XKR6: variants seen among roughly 807,000 people sequenced by gnomAD.
The protein encoded by XKR6 is XK-related protein 6.
In XKR6, 22 loss-of-function variants were observed where a neutral mutation model predicts 56.7. That is an observed-to-expected ratio of 0.39 (90% CI 0.28 to 0.55). The LOEUF is 0.55. Ranked by LOEUF, XKR6 falls within the 20% of genes least tolerant of loss-of-function variation. XKR6 has a pLI of 0.66. For missense variants in XKR6, 852 were observed against 889.0 expected, an observed-to-expected ratio of 0.96 and a Z score of 0.53; for synonymous variants, 524 against 387.8, an observed-to-expected ratio of 1.35 and a Z score of -4.13.
chr8:11,173,409 A>G (rs1802486284), intron 1 of XKR6, among the ~76,000 whole-genome samples: 2 of 150,634 alleles, frequency 1.3e-5, no homozygotes, highest in South Asian at 2.1e-4. Context: ...ATATATATAT[A>G]CATATACATA....
rs796859507 is a variant in XKR6, at chr8:10,963,273, A to C, written c.765-38443T>G. Among the ~76,000 whole-genome samples, 13 of 152,346 alleles carry C rather than the reference A, an allele frequency of 8.5e-5. 1 individual carries two copies. Among genetic ancestry groups the C allele is most frequent in the African/African-American group, 2.6e-4 (11 of 41,582 alleles). On this transcript the variant is annotated intron_variant, in intron 1 of 2. Coordinates refer to ENST00000416569, the MANE Select transcript of XKR6 (RefSeq NM_173683.4). Reference sequence around the variant, plus strand: ...TCTGCCTCAGGGCCTTGGCACTGGCAATCCCCTCTGTTCAAACGTCAGTGT... The same window carrying C: ...TCTGCCTCAGGGCCTTGGCACTGGCCATCCCCTCTGTTCAAACGTCAGTGT...
intron 1 of XKR6, among the ~76,000 whole-genome samples, chr8:11,118,794 G>C (rs150951013): frequency 0.021 from 3,212 of 152,142 alleles, 102 homozygotes; most frequent in African/African-American, 0.073. Context: ...AGGGTTTTTT[G>C]TGTCTCTATT....
chr8:11,001,745 A>G (rs1209823308), intron 1 of XKR6, among the ~76,000 whole-genome samples: 1 of 152,192 alleles, frequency 6.6e-6, no homozygotes, highest in African/African-American at 2.4e-5. Flanking sequence ...GAAGTCCACA[A>G]GGACTTCCTG....
chr8:11,161,278 C>G (rs1365647263), intron 1 of XKR6, among the ~76,000 whole-genome samples: 1 of 152,140 alleles, frequency 6.6e-6, no homozygotes, highest in African/African-American at 2.4e-5. Flanking sequence ...ATCTTGCCAC[C>G]ACCAGTACCT....
intron 1 of XKR6, among the ~76,000 whole-genome samples, chr8:11,186,387 G>A (rs1389764959): frequency 1.3e-5 from 2 of 152,116 alleles, no homozygotes; most frequent in African/African-American, 2.4e-5. Context: ...TCAAACCAGG[G>A]CTTTGAGAGA....
intron 1 of XKR6, among the ~76,000 whole-genome samples, chr8:11,183,763 G>T (rs979427945): frequency 1.3e-5 from 2 of 152,090 alleles, no homozygotes; most frequent in South Asian, 4.1e-4. Flanking sequence ...TTACTATAAG[G>T]CCCCTAAATA....
At chr8:11,119,294 G>A (rs1481169557) in intron 1 of XKR6, among the ~76,000 whole-genome samples, 1 of 152,166 alleles carries the variant, frequency 6.6e-6, no homozygotes, top group Non-Finnish European at 1.5e-5. Flanking sequence ...TGTTGATTTG[G>A]GGTGGAGAGT....
At chr8:11,163,454 A>G (rs891165797) in intron 1 of XKR6, among the ~76,000 whole-genome samples, 3 of 152,186 alleles carry the variant, frequency 2.0e-5, no homozygotes, top group Non-Finnish European at 2.9e-5. Flanking sequence ...AGCTCACAAA[A>G]TCCACCAAAT....
intron 1 of XKR6, among the ~76,000 whole-genome samples, chr8:11,023,014 A>G (rs1798780755): frequency 6.6e-6 from 1 of 152,114 alleles, no homozygotes; most frequent in African/African-American, 2.4e-5. Context: ...CAGCGCTCCA[A>G]GGTATCTGTC....
At chr8:11,172,019 C>G (rs1055311652) in intron 1 of XKR6, among the ~76,000 whole-genome samples, 2 of 150,826 alleles carry the variant, frequency 1.3e-5, no homozygotes, top group Non-Finnish European at 2.9e-5. Context: ...CGCCATTGCA[C>G]TCCAGATTGG....
chr8:11,115,908 C>T (rs545208522), intron 1 of XKR6, among the ~76,000 whole-genome samples: 153 of 152,292 alleles, frequency 1.0e-3, no homozygotes, highest in African/African-American at 3.6e-3. Context: ...AATATCTTGA[C>T]AAATACTACC....
At chr8:10,992,582 G>C (rs1056792711) in intron 1 of XKR6, among the ~76,000 whole-genome samples, 2 of 152,182 alleles carry the variant, frequency 1.3e-5, no homozygotes, top group African/African-American at 4.8e-5. Flanking sequence ...TTGTTAAAGG[G>C]AACTCTAATC....
intron 1 of XKR6, among the ~76,000 whole-genome samples, chr8:11,149,851 T>C (rs1801179372): frequency 6.6e-6 from 1 of 152,030 alleles, no homozygotes; most frequent in Admixed American, 6.6e-5. Flanking sequence ...AACAGACAAA[T>C]GGAAAAAGAA....
At chr8:11,007,024 G>T (rs931290811) in intron 1 of XKR6, among the ~76,000 whole-genome samples, 1 of 152,188 alleles carries the variant, frequency 6.6e-6, no homozygotes, top group Non-Finnish European at 1.5e-5. Flanking sequence ...GACCCCAAGA[G>T]GAACCCTACC....
chr8:11,001,835 C>A (rs533581699), intron 1 of XKR6, among the ~76,000 whole-genome samples: 1 of 152,170 alleles, frequency 6.6e-6, no homozygotes, highest in African/African-American at 2.4e-5. Context: ...CAGGGGCAAG[C>A]GGCACTGTGC....
chr8:10,929,547 C>T (rs6992103), intron 1 of XKR6, among the ~76,000 whole-genome samples: 24,460 of 152,270 alleles, frequency 0.16, 2,826 homozygotes, highest in African/African-American at 0.33. Context: ...ACTTGCCTGA[C>T]AGTGGGGAAG....
At position 11,114,823 on chromosome 8, in the gene XKR6, C is replaced by A. The variant is rs145798017; in HGVS notation, c.764+85753G>T. 4.1e-3 allele frequency among the ~76,000 whole-genome samples: 617 copies of A among 149,654 alleles called. 4 individuals carry two copies. The highest frequency in any genetic ancestry group is 0.014 in the African/African-American group (580 of 40,862). On this transcript the variant is annotated intron_variant, in intron 1 of 2. Coordinates refer to ENST00000416569, the MANE Select transcript of XKR6 (RefSeq NM_173683.4). The stretch of plus-strand genomic sequence containing the variant: ...GTGTAATGCTAAACCGTAACAATAG[C>A]CTGGCCCTCAGAAATATATTTTTGT...
At chr8:11,104,047 T>C (rs1381927114) in intron 1 of XKR6, among the ~76,000 whole-genome samples, 1 of 152,248 alleles carries the variant, frequency 6.6e-6, no homozygotes, top group Non-Finnish European at 1.5e-5. Context: ...TCATTCTTGC[T>C]TTCAAGTCCC....
chr8:11,163,518 G>C lies in XKR6; in HGVS notation c.764+37058C>G, dbSNP rs188528269. On this transcript the variant is annotated intron_variant, in intron 1 of 2. Transcript: ENST00000416569. The stretch of plus-strand genomic sequence containing the variant: ...CATCTGTAACTATTTCCCTGCATCC[G>C]CTGGAGATAGGTAACTACGACAAAA... Among the ~76,000 whole-genome samples the C allele has an allele frequency of 2.5e-3, 375 of 152,236 alleles. 3 individuals are homozygous for C. Among genetic ancestry groups the C allele is most frequent in the Middle Eastern group, 6.8e-3 (2 of 294 alleles).
Sources: allele counts gnomAD v4.1 joint callset (sites outside exome capture counted in the v4.1 genomes callset), GRCh38; gene constraint gnomAD v4.1.1; transcripts MANE v1.5; gene names NCBI Gene and HGNC (gene_info 2026-07-23, HGNC 2026-07-21).